COP1: variants seen among roughly 807,000 people sequenced by gnomAD.
COP1 encodes COP1 E3 ubiquitin ligase, also known as E3 ubiquitin-protein ligase COP1.
A neutral mutation model predicts 101.3 loss-of-function variants in COP1; 24 were observed. The observed-to-expected ratio is 0.24, with a 90% confidence interval of 0.17 to 0.33. COP1 has a LOEUF of 0.33. COP1 is among the 10% of genes least tolerant of loss of function. The probability of loss-of-function intolerance (pLI) is 1.00; values close to 1 mark genes in which losing one functional copy is unlikely to be tolerated. For synonymous variants in COP1, 347 were observed against 341.9 expected, an observed-to-expected ratio of 1.01 and a Z score of -0.17; for missense variants, 663 against 906.2, an observed-to-expected ratio of 0.73 and a Z score of 3.45.
At chr1:176,071,319 C>T (rs577716269) in intron 11 of COP1, among the ~76,000 whole-genome samples, 1 of 152,140 alleles carries the variant, frequency 6.6e-6, no homozygotes, top group African/African-American at 2.4e-5. Flanking sequence ...AGAAACTGAG[C>T]AGATGCCAGC....
intron 11 of COP1, among the ~76,000 whole-genome samples, chr1:176,046,830 A>G (rs1671602931): frequency 6.6e-6 from 1 of 152,112 alleles, no homozygotes; most frequent in Non-Finnish European, 1.5e-5. Context: ...TGGAATACAT[A>G]TAACAGAACC....
At chr1:176,025,330 G>A (rs528356306) in intron 15 of COP1, among the ~76,000 whole-genome samples, 1 of 151,814 alleles carries the variant, frequency 6.6e-6, no homozygotes, top group Non-Finnish European at 1.5e-5. Context: ...TACTGCTTTG[G>A]GCAGATATCA....
At chr1:176,027,736 T>TAG (rs1328430296) in intron 14 of COP1, 48 bp from the exon 15 acceptor site, 2 of 1,068,836 alleles carry the variant, frequency 1.9e-6, no homozygotes, top group Middle Eastern at 2.0e-4. Context: ...AGTAATACAT[T>TAG]AGTAAATGCT....
chr1:176,080,326 G>C (rs1678885395), intron 11 of COP1, among the ~76,000 whole-genome samples: 1 of 151,840 alleles, frequency 6.6e-6, no homozygotes, highest in Non-Finnish European at 1.5e-5. Context: ...AGAAAAGAAG[G>C]TATCAACTAA....
At chr1:176,006,048 T>A (rs1663109189) in intron 15 of COP1, among the ~76,000 whole-genome samples, 1 of 152,220 alleles carries the variant, frequency 6.6e-6, no homozygotes, top group Non-Finnish European at 1.5e-5. Flanking sequence ...TGGGTGCATA[T>A]ATATTTAGGA....
At chr1:176,170,819 ATCT>A (rs1695932635) in intron 3 of COP1, among the ~76,000 whole-genome samples, 1 of 152,126 alleles carries the variant, frequency 6.6e-6, no homozygotes, top group African/African-American at 2.4e-5. Flanking sequence ...CCTAGATGGC[ATCT>A]TCTTCCAAAA....
At position 176,207,279 on chromosome 1, in the gene COP1, G is replaced by GCA. The variant is rs1700968029; in HGVS notation, c.-302_-301insTG. On this transcript the variant is annotated 5_prime_UTR_variant, in exon 1 of 20. Coordinates refer to ENST00000367669, the MANE Select transcript of COP1 (RefSeq NM_022457.7). Reference sequence around the variant, plus strand: ...GCGCCGTGGCCGGCCGTGCGCGCGCGCGCGAGCGGCGGAAGAGGCGGGCGT... The same window carrying GCA: ...GCGCCGTGGCCGGCCGTGCGCGCGCGCACGCGAGCGGCGGAAGAGGCGGGCGT... The GCA allele has an allele frequency of 2.6e-6, 1 of 386,834 alleles. No individual in the cohort carries two copies. Among genetic ancestry groups the GCA allele is most frequent in the Non-Finnish European group, 4.6e-6 (1 of 218,328 alleles). 24.0% of individuals were successfully genotyped at this position (386,834 alleles called of 1,614,324 possible). A position where few individuals can be genotyped will look rare whatever the true frequency, so the allele number is the denominator to read the frequency against.
intron 11 of COP1, among the ~76,000 whole-genome samples, chr1:176,075,003 CT>C (rs1677717808): frequency 6.6e-6 from 1 of 152,084 alleles, no homozygotes; most frequent in Non-Finnish European, 1.5e-5. Flanking sequence ...CCAAAGTAAA[CT>C]GTTTCATAAA....
chr1:176,166,072 A>T (rs1337012821), intron 3 of COP1, among the ~76,000 whole-genome samples: 1 of 152,174 alleles, frequency 6.6e-6, no homozygotes, highest in Non-Finnish European at 1.5e-5. Context: ...GTAAGATCAA[A>T]CATTTTTTTC....
intron 2 of COP1, among the ~76,000 whole-genome samples, chr1:176,177,349 TA>T (rs575380846): frequency 0.025 from 3,306 of 132,476 alleles, 73 homozygotes; most frequent in Non-Finnish European, 0.029. Context: ...AAAAAAATAT[TA>T]AAAAAAAAAA....
chr1:176,068,183 T>C (rs1676347293), intron 11 of COP1, among the ~76,000 whole-genome samples: 1 of 152,218 alleles, frequency 6.6e-6, no homozygotes, highest in Non-Finnish European at 1.5e-5. Flanking sequence ...AAAATATAAA[T>C]ATTTCTTATT....
At chr1:176,070,487 C>T (rs1395942628) in intron 11 of COP1, among the ~76,000 whole-genome samples, 1 of 152,004 alleles carries the variant, frequency 6.6e-6, no homozygotes, top group Non-Finnish European at 1.5e-5. Flanking sequence ...CATGGCGAAA[C>T]CCCGTCTCTA....
At chr1:175,971,600 C>T (rs977421605) in intron 18 of COP1, among the ~76,000 whole-genome samples, 12 of 152,216 alleles carry the variant, frequency 7.9e-5, no homozygotes, top group Middle Eastern at 3.4e-3. Flanking sequence ...GTACTCCACC[C>T]GCCACTCTCC....
chr1:176,063,054 T>TG (rs1675216833), intron 11 of COP1, among the ~76,000 whole-genome samples: 1 of 136,954 alleles, frequency 7.3e-6, no homozygotes. Flanking sequence ...AATGTTTTTT[T>TG]TTTTTTTTTT....
intron 8 of COP1, among the ~76,000 whole-genome samples, chr1:176,120,892 A>T (rs1223277873): frequency 2.0e-5 from 3 of 152,164 alleles, no homozygotes; most frequent in Non-Finnish European, 4.4e-5. Flanking sequence ...TAGCTAATTA[A>T]ATTATAAAGA....
intron 18 of COP1, among the ~76,000 whole-genome samples, chr1:175,978,934 G>A (rs981126749): frequency 2.0e-5 from 3 of 152,218 alleles, no homozygotes; most frequent in South Asian, 2.1e-4. Context: ...AAAAAAGACC[G>A]TATCTTACTT....
chr1:176,189,752 A>G (rs1005246258), intron 1 of COP1, among the ~76,000 whole-genome samples: 2 of 151,986 alleles, frequency 1.3e-5, no homozygotes, highest in African/African-American at 4.8e-5. Context: ...AAGAAACATA[A>G]TACTGTCCCT....
At chr1:176,135,343 A>C (rs1042546858) in intron 7 of COP1, among the ~76,000 whole-genome samples, 1 of 152,046 alleles carries the variant, frequency 6.6e-6, no homozygotes, top group African/African-American at 2.4e-5. Context: ...TCATTAATGA[A>C]GCCACCACAT....
intron 15 of COP1, among the ~76,000 whole-genome samples, chr1:176,001,457 G>C (rs1057181717): frequency 4.6e-5 from 7 of 152,016 alleles, no homozygotes; most frequent in Non-Finnish European, 1.0e-4. Flanking sequence ...AGAATGCTAT[G>C]GACAGAATGA....
Sources: gnomAD v4.1 joint callset for allele counts (sites outside exome capture counted in the v4.1 genomes callset) on GRCh38, gnomAD v4.1.1 for gene constraint, MANE v1.5 for transcripts, NCBI Gene and HGNC (gene_info 2026-07-23, HGNC 2026-07-21) for gene names.